SNX27: variants seen among roughly 807,000 people sequenced by gnomAD.
SNX27 encodes the protein sorting nexin 27, also known as sorting nexin-27.
A neutral mutation model predicts 71.6 loss-of-function variants in SNX27; 22 were observed. That is an observed-to-expected ratio of 0.31 (90% confidence interval 0.22 to 0.44). The LOEUF is 0.44. Among genes scored for constraint, SNX27 ranks in the 20% least tolerant of loss-of-function variants. The pLI, the probability that SNX27 is intolerant of heterozygous loss-of-function variation, is 1.00. For missense variants in SNX27, 531 were observed against 698.6 expected (o/e 0.76, Z 2.70); for synonymous variants, 269 against 277.2 (o/e 0.97, Z 0.29).
In SNX27 at chr1:151,640,734, C is replaced by G. The variant is rs568471530; in HGVS notation, c.543+1615C>G. On this transcript the variant is annotated intron_variant, in intron 2 of 11. Coordinates refer to ENST00000458013, the MANE Select transcript of SNX27 (RefSeq NM_001330723.2). Reference sequence around the variant, plus strand: ...CATAGTTTACCTATATTAACATTCACTCATGTTAAGTCTCCACTTTTACAA... The same window carrying G: ...CATAGTTTACCTATATTAACATTCAGTCATGTTAAGTCTCCACTTTTACAA... 2.6e-5 allele frequency among the ~76,000 whole-genome samples: 4 copies of G among 152,298 alleles called. No homozygotes were observed. The South Asian group carries it at 8.3e-4, about 32-fold the overall frequency.
At chr1:151,691,952 C>T (rs904797477) in intron 8 of SNX27, among the ~76,000 whole-genome samples, 1 of 152,110 alleles carries the variant, frequency 6.6e-6, no homozygotes, top group South Asian at 2.1e-4. Context: ...GTAACCCTTG[C>T]ACTTTCGGTG....
intron 1 of SNX27, among the ~76,000 whole-genome samples, chr1:151,619,023 AC>A (rs1003065216): frequency 6.7e-6 from 1 of 150,246 alleles, no homozygotes; most frequent in African/African-American, 2.4e-5. Context: ...AAAAAAAAAA[AC>A]ACCTGAAATA....
intron 8 of SNX27, among the ~76,000 whole-genome samples, chr1:151,689,729 C>T (rs984786904): frequency 6.6e-6 from 1 of 152,210 alleles, no homozygotes; most frequent in African/African-American, 2.4e-5. Flanking sequence ...AGCAGAATTG[C>T]TGCTTATCGA....
intron 8 of SNX27, among the ~76,000 whole-genome samples, chr1:151,691,527 G>A (rs1671449943): frequency 6.9e-6 from 1 of 145,330 alleles, no homozygotes; most frequent in Non-Finnish European, 1.5e-5. Context: ...CTGGAGTGCA[G>A]TGGCGCAATC....
chr1:151,615,357 C>A (rs910258250), intron 1 of SNX27, among the ~76,000 whole-genome samples: 1 of 147,208 alleles, frequency 6.8e-6, no homozygotes, highest in Non-Finnish European at 1.5e-5. Flanking sequence ...TTTCTCTTTT[C>A]TTTTTTTTTT....
chr1:151,626,801 G>T (rs1667967604), intron 1 of SNX27, among the ~76,000 whole-genome samples: 1 of 152,188 alleles, frequency 6.6e-6, no homozygotes, highest in African/African-American at 2.4e-5. Flanking sequence ...GTTGTTTTCT[G>T]CTCACTTGTA....
chr1:151,680,053 T>C (rs1781434), intron 7 of SNX27: 67,402 of 151,790 alleles, frequency 0.44, 16,541 homozygotes, highest in East Asian at 0.63. Flanking sequence ...TTTTTTTAAA[T>C]TATATACATC....
At chr1:151,660,673 T>C (rs1669924066) in intron 3 of SNX27, 125 bp from the exon 4 acceptor site, 1 of 697,508 alleles carries the variant, frequency 1.4e-6, no homozygotes, top group Admixed American at 2.3e-5. Context: ...TGCTGCCTCA[T>C]TATTGCCTGC....
At chr1:151,639,218 T>C in intron 2 of SNX27, 99 bp downstream of exon 2, 2 of 1,026,184 alleles carry the variant, frequency 1.9e-6, no homozygotes, top group South Asian at 1.7e-5. Context: ...GGCTGCAACC[T>C]AGGTCAGTTT....
chr1:151,647,346 C>T (rs1295097765), intron 2 of SNX27, among the ~76,000 whole-genome samples: 2 of 151,126 alleles, frequency 1.3e-5, no homozygotes, highest in Non-Finnish European at 2.9e-5. Flanking sequence ...AACAGGATTT[C>T]ACCATGTTGG....
chr1:151,631,764 C>T (rs1055431620), intron 1 of SNX27, among the ~76,000 whole-genome samples: 1 of 152,158 alleles, frequency 6.6e-6, no homozygotes, highest in South Asian at 2.1e-4. Context: ...CAGCTCACTG[C>T]CACCTCTGCC....
At chr1:151,651,211 G>C (rs1044245726) in intron 2 of SNX27, among the ~76,000 whole-genome samples, 3 of 151,070 alleles carry the variant, frequency 2.0e-5, no homozygotes, top group Non-Finnish European at 3.0e-5. Context: ...CCCGGGCGGG[G>C]CGGCTGGCCG....
chr1:151,675,810 C>CTTTCTTT (rs1670665258), intron 7 of SNX27: 4 of 31,482 alleles, frequency 1.3e-4, no homozygotes, highest in Non-Finnish European at 2.4e-4. Flanking sequence ...TTCTTTCTTT[C>CTTTCTTT]TTTTTTTTTT....
In SNX27 at chr1:151,652,236, G is replaced by C. The variant is rs867973796; in HGVS notation, c.544-5999G>C. Among the ~76,000 whole-genome samples the C allele has an allele frequency of 3.2e-3, 466 of 144,870 alleles. 4 individuals carry two copies. The highest frequency in any genetic ancestry group is 5.5e-3 in the Non-Finnish European group (358 of 64,986). On this transcript the variant is annotated intron_variant, in intron 2 of 11. Transcript: ENST00000458013. ...AGGGAGAGGGAGAGGGAGAGGGAGA[G>C]GGAGAGGGAGACGGAGAGGGAGAGG...
intron 7 of SNX27, among the ~76,000 whole-genome samples, chr1:151,670,749 T>C (rs1229824442): frequency 6.6e-6 from 1 of 152,186 alleles, no homozygotes; most frequent in Admixed American, 6.5e-5. Context: ...TTTCACTTTG[T>C]TGATTGTTTC....
intron 2 of SNX27, among the ~76,000 whole-genome samples, chr1:151,647,437 A>T (rs1385581656): frequency 2.1e-5 from 3 of 143,018 alleles, no homozygotes; most frequent in Admixed American, 7.2e-5. Flanking sequence ...GGCATGGGCC[A>T]CCGTGCCCAG....
At chr1:151,646,902 CAA>C (rs1491305032) in intron 2 of SNX27, among the ~76,000 whole-genome samples, 48 of 149,244 alleles carry the variant, frequency 3.2e-4, no homozygotes, top group Non-Finnish European at 5.9e-4. Context: ...CACACACACA[CAA>C]ACAAACACAC....
chr1:151,670,598 G>C (rs1670416405), intron 7 of SNX27, among the ~76,000 whole-genome samples: 1 of 152,140 alleles, frequency 6.6e-6, no homozygotes, highest in African/African-American at 2.4e-5. Context: ...TAACTAGGGT[G>C]AGATGATATC....
In SNX27 at chr1:151,619,437, C is replaced by T. The variant is rs996588743; in HGVS notation, c.311+6925C>T. Among the ~76,000 whole-genome samples, 6 of 152,192 alleles carry T rather than the reference C, an allele frequency of 3.9e-5. No homozygotes were observed. In the East Asian group the frequency reaches 9.6e-4, roughly 24 times the overall value. The stretch of plus-strand genomic sequence containing the variant: ...ACCTTAGCCTTCCAGAAAGCTGGGA[C>T]CATAGGCGTATGCCACCATGCCCAG... On this transcript the variant is annotated intron_variant, in intron 1 of 11. Transcript: ENST00000458013.
Sources: allele counts gnomAD v4.1 joint callset (sites outside exome capture counted in the v4.1 genomes callset), GRCh38; gene constraint gnomAD v4.1.1; transcripts MANE v1.5; gene names NCBI Gene and HGNC (gene_info 2026-07-23, HGNC 2026-07-21).